ALK: variants seen among roughly 807,000 people sequenced by gnomAD.
The protein encoded by ALK is ALK receptor tyrosine kinase, also known as ALK tyrosine kinase receptor.
In ALK, 74 loss-of-function variants were observed where a neutral mutation model predicts 163.1. The observed-to-expected ratio is 0.45, with a 90% confidence interval of 0.38 to 0.55. The LOEUF is 0.55. Among genes scored for constraint, ALK ranks in the 20% least tolerant of loss-of-function variants. The pLI, the probability that ALK is intolerant of heterozygous loss-of-function variation, is 0.00. For synonymous variants in ALK, 960 were observed against 843.2 expected, an observed-to-expected ratio of 1.14 and a Z score of -2.40; for missense variants, 2,063 against 2,105.3, an observed-to-expected ratio of 0.98 and a Z score of 0.39.
intron 12 of ALK, among the ~76,000 whole-genome samples, chr2:29,250,132 G>A (rs1433155958): frequency 6.6e-6 from 1 of 152,150 alleles, no homozygotes. Context: ...CAGCCCTGGG[G>A]GACACTGTTC....
intron 28 of ALK, 67 bp downstream of exon 28, chr2:29,196,703 G>T (rs749121913): frequency 9.0e-7 from 1 of 1,112,628 alleles, no homozygotes; most frequent in Non-Finnish European, 1.4e-6. Context: ...TTCATATTTC[G>T]GTATTTGCCA....
intron 4 of ALK, among the ~76,000 whole-genome samples, chr2:29,432,925 T>C (rs1180514888): frequency 1.3e-5 from 2 of 152,176 alleles, no homozygotes; most frequent in Non-Finnish European, 2.9e-5. Context: ...ACTTACTAGC[T>C]ATGAGCTATT....
At chr2:29,893,794 G>A (rs1667204738) in intron 1 of ALK, among the ~76,000 whole-genome samples, 1 of 152,124 alleles carries the variant, frequency 6.6e-6, no homozygotes, top group African/African-American at 2.4e-5. Context: ...AGTGGCTCAA[G>A]AAGTTTCTTC....
intron 4 of ALK, among the ~76,000 whole-genome samples, chr2:29,398,099 C>G (rs979160518): frequency 2.0e-5 from 3 of 152,122 alleles, no homozygotes. Context: ...GGATGCTGAG[C>G]CTGCATGAGA....
At chr2:29,790,863 T>A (rs149087758) in intron 1 of ALK, among the ~76,000 whole-genome samples, 1 of 152,174 alleles carries the variant, frequency 6.6e-6, no homozygotes, top group Non-Finnish European at 1.5e-5. Context: ...GAATTAGAGG[T>A]GTGAGTCACC....
At chr2:29,475,278 G>A (rs571614881) in intron 4 of ALK, among the ~76,000 whole-genome samples, 25 of 152,246 alleles carry the variant, frequency 1.6e-4, no homozygotes, top group South Asian at 8.3e-4. Flanking sequence ...GAGCTCAAGG[G>A]GGCAGCAAAA....
intron 25 of ALK, among the ~76,000 whole-genome samples, chr2:29,208,974 GCTGCGCTAAGTACTGATGGGTT>G (rs1209631563): frequency 6.6e-6 from 1 of 152,100 alleles, no homozygotes; most frequent in Non-Finnish European, 1.5e-5. Context: ...AAAAAATAAG[GCTGCGCTAAGTACTGATGGGTT>G]CTGCGCTATA....
rs79060151 is a variant in ALK at position 29,518,242 on chromosome 2, C to T, written c.1154+13673G>A. On this transcript the variant is annotated intron_variant, in intron 4 of 28. Transcript: ENST00000389048. ...CCAAATTGATTCATTTTGCAGTGGG[C>T]CTGATGCAATTTACTCAGTATAAAA... Among the ~76,000 whole-genome samples the T allele has an allele frequency of 7.2e-3, 1,096 of 152,208 alleles. 9 individuals carry two copies. The highest frequency in any genetic ancestry group is 0.024 in the African/African-American group (993 of 41,534).
At chr2:29,705,162 G>A (rs934411866) in intron 2 of ALK, among the ~76,000 whole-genome samples, 2 of 148,256 alleles carry the variant, frequency 1.3e-5, no homozygotes, top group Admixed American at 6.8e-5. Context: ...AGGTTGCAGT[G>A]AGCCGAGATT....
chr2:29,291,043 C>T, intron 9 of ALK, among the ~76,000 whole-genome samples: 1 of 152,270 alleles, frequency 6.6e-6, no homozygotes, highest in East Asian at 1.9e-4. Flanking sequence ...CTAAAAATAA[C>T]CAAGAACCTA....
rs372305271 is a variant in ALK at position 29,227,742 on chromosome 2, A to G, written c.2816-70T>C. ...CAAAATCTTAACACACACACACGTC[A>G]GTGGGGCATGCAGCTCTGGCCAAAG... is the stretch of plus-strand genomic sequence containing the variant. On this transcript the variant is annotated intron_variant, in intron 16 of 28. Transcript: ENST00000389048. This position sits in a 1 kb window ranked among gnomAD's most constrained non-coding sequence, Gnocchi z 4.4. The G allele has an allele frequency of 8.0e-5, 100 of 1,251,998 alleles. No individual in the cohort carries two copies. In the East Asian group the frequency reaches 1.6e-3, roughly 20 times the overall value. 77.6% of individuals were successfully genotyped at this position (1,251,998 alleles called of 1,614,324 possible).
chr2:29,901,374 T>G (rs995672247), intron 1 of ALK, among the ~76,000 whole-genome samples: 1 of 152,206 alleles, frequency 6.6e-6, no homozygotes, highest in Non-Finnish European at 1.5e-5. Flanking sequence ...TTCTTGAGCA[T>G]GTCTCAGCAA....
At chr2:29,511,014 C>T (rs547352473) in intron 4 of ALK, among the ~76,000 whole-genome samples, 1 of 152,316 alleles carries the variant, frequency 6.6e-6, no homozygotes, top group South Asian at 2.1e-4. Context: ...CACCCTTACA[C>T]TCAATGCACT....
chr2:29,496,581 G>A (rs902349072), intron 4 of ALK, among the ~76,000 whole-genome samples: 1 of 152,120 alleles, frequency 6.6e-6, no homozygotes. Context: ...AATGCCTTGA[G>A]GAAGAGATAA....
intron 4 of ALK, among the ~76,000 whole-genome samples, chr2:29,390,930 A>C (rs2148307013): frequency 6.6e-6 from 1 of 152,294 alleles, no homozygotes; most frequent in African/African-American, 2.4e-5. Flanking sequence ...AGTTAGATGA[A>C]TGTGCTCTGA....
chr2:29,364,917 G>A (rs1180979662), intron 5 of ALK, among the ~76,000 whole-genome samples: 6 of 152,182 alleles, frequency 3.9e-5, no homozygotes, highest in Non-Finnish European at 5.9e-5. Context: ...TGGGAAAGAA[G>A]GAAGAGAATT....
intron 1 of ALK, chr2:29,890,378 G>A (rs1235952494): frequency 6.6e-6 from 1 of 152,184 alleles, no homozygotes; most frequent in Non-Finnish European, 1.5e-5. Flanking sequence ...TATGCCCTGA[G>A]TTTTCTAAAA....
chr2:29,613,009 T>C (rs1241098027), intron 3 of ALK, among the ~76,000 whole-genome samples: 1 of 151,708 alleles, frequency 6.6e-6, no homozygotes, highest in Non-Finnish European at 1.5e-5. Context: ...CCACGGGGGG[T>C]CTGAGTACAA....
chr2:29,668,799 AC>A (rs1181953392), intron 3 of ALK, among the ~76,000 whole-genome samples: 2 of 152,144 alleles, frequency 1.3e-5, no homozygotes, highest in Non-Finnish European at 2.9e-5. Flanking sequence ...TAATGGACTC[AC>A]AGTTTCACAT....
Sources: gnomAD v4.1 joint callset for allele counts (sites outside exome capture counted in the v4.1 genomes callset) on GRCh38, gnomAD v4.1.1 for gene constraint, Gnocchi (gnomAD v3.1) non-coding constraint, MANE v1.5 for transcripts, NCBI Gene and HGNC (gene_info 2026-07-23, HGNC 2026-07-21) for gene names.